Variants in AGTPBP1 observed in about 807,000 individuals in gnomAD.
AGTPBP1 encodes the protein ATP/GTP binding carboxypeptidase 1, also known as cytosolic carboxypeptidase 1.
AGTPBP1 carries 70 observed loss-of-function variants against 143.9 expected under a neutral mutation model. The ratio of observed to expected loss-of-function variants is 0.49; its 90% confidence interval spans 0.40 to 0.59. The LOEUF (loss-of-function observed/expected upper bound fraction) is 0.59, where lower values mean the gene tolerates loss of function less well. AGTPBP1 is among the 20% of genes least tolerant of loss of function. The pLI, the probability that AGTPBP1 is intolerant of heterozygous loss-of-function variation, is 0.00. For missense variants in AGTPBP1, 1,229 were observed against 1,464.5 expected (o/e 0.84, Z 2.62); for synonymous variants, 463 against 500.2 (o/e 0.93, Z 0.99).
At chr9:85,729,042 T>C (rs1024063512) in intron 1 of AGTPBP1, among the ~76,000 whole-genome samples, 2 of 152,186 alleles carry the variant, frequency 1.3e-5, no homozygotes, top group Non-Finnish European at 2.9e-5. Flanking sequence ...AATCAGCTAG[T>C]AGTAGCATAA....
At chr9:85,689,213 T>C (rs531286520) in intron 3 of AGTPBP1, among the ~76,000 whole-genome samples, 2 of 152,320 alleles carry the variant, frequency 1.3e-5, no homozygotes, top group South Asian at 2.1e-4. Context: ...GTATCATCTA[T>C]GGCTGTTCGT....
At chr9:85,586,206 G>GAAA (rs202123016) in intron 22 of AGTPBP1, among the ~76,000 whole-genome samples, 1 of 105,956 alleles carries the variant, frequency 9.4e-6, no homozygotes, top group Non-Finnish European at 2.0e-5. Flanking sequence ...ACTCCATCTC[G>GAAA]AAAAAAAAAA....
chr9:85,746,121 G>GC (rs755977385), upstream of AGTPBP1, among the ~76,000 whole-genome samples: 16 of 152,000 alleles, frequency 1.1e-4, no homozygotes, highest in Non-Finnish European at 2.1e-4. Context: ...TTTTCCCCCT[G>GC]CCCCCACACA....
rs771158224 is a variant in AGTPBP1 at position 85,588,376 on chromosome 9, G to A, written c.2825C>T (p.Pro942Leu). 3.1e-6 allele frequency: 5 copies of A among 1,613,162 alleles called. No homozygotes were observed. Among genetic ancestry groups the A allele is most frequent in the Non-Finnish European group, 4.2e-6 (5 of 1,179,506 alleles). ...GTLEYLMSNNPTAQSLRESYI... is the reference protein window; with the variant it reads ...GTLEYLMSNNLTAQSLRESYI... The stretch of plus-strand genomic sequence containing the variant: ...AGATTCTCGTAAGCTCTGAGCAGTG[G>A]GGTTATTGCTCATGAGATATTCCAA... Residue 942 changes from proline to leucine, a missense_variant, in exon 21 of 26, where the codon CCC (proline) becomes CTC (leucine). Transcript: ENST00000357081.
chr9:85,697,679 C>T (rs1444760307), intron 2 of AGTPBP1, among the ~76,000 whole-genome samples: 3 of 151,878 alleles, frequency 2.0e-5, no homozygotes, highest in African/African-American at 7.3e-5. Flanking sequence ...TTCTCGATCT[C>T]CTGACCTCGT....
intron 6 of AGTPBP1, among the ~76,000 whole-genome samples, chr9:85,674,417 A>G (rs549151968): frequency 6.6e-6 from 1 of 152,224 alleles, no homozygotes; most frequent in African/African-American, 2.4e-5. Context: ...TTTTAAAATC[A>G]ATATCTTAAT....
the AGTPBP1 span, among the ~76,000 whole-genome samples, chr9:85,777,787 C>A: frequency 5.3e-5 from 8 of 152,238 alleles, no homozygotes; most frequent in African/African-American, 2.4e-5. Flanking sequence ...CCACTGGCTA[C>A]AGCCCATGAA....
the AGTPBP1 span, chr9:85,756,242 T>C: frequency 1.9e-6 from 3 of 1,595,818 alleles, no homozygotes; most frequent in South Asian, 3.4e-5. Context: ...GAAATTGAGA[T>C]CTAGTCAGGT....
chr9:85,648,372 T>C (rs1265131569), intron 11 of AGTPBP1, among the ~76,000 whole-genome samples: 1 of 152,190 alleles, frequency 6.6e-6, no homozygotes. Flanking sequence ...CCTCAAATTC[T>C]TAGATAGCAA....
At chr9:85,757,522 A>G in the AGTPBP1 span, among the ~76,000 whole-genome samples, 5 of 152,262 alleles carry the variant, frequency 3.3e-5, 1 homozygote, top group Middle Eastern at 0.014. Context: ...AAGCAAATAG[A>G]TGAGAGCTTA....
the AGTPBP1 span, among the ~76,000 whole-genome samples, chr9:85,757,768 A>G: frequency 6.6e-6 from 1 of 152,142 alleles, no homozygotes; most frequent in East Asian, 1.9e-4. Flanking sequence ...AAATGAAGGG[A>G]CCAAGATTTT....
chr9:85,690,787 A>G (rs560457252), intron 3 of AGTPBP1, among the ~76,000 whole-genome samples: 120 of 110,362 alleles, frequency 1.1e-3, no homozygotes, highest in Middle Eastern at 7.7e-3. Flanking sequence ...TCTGATAGTG[A>G]TAGGGTCAGG....
the AGTPBP1 span, among the ~76,000 whole-genome samples, chr9:85,784,117 T>C: frequency 3.9e-5 from 6 of 152,264 alleles, no homozygotes; most frequent in African/African-American, 1.4e-4. Context: ...TGCATTCTAC[T>C]TGTATTTAAA....
intron 14 of AGTPBP1, among the ~76,000 whole-genome samples, chr9:85,624,414 T>C (rs1257308425): frequency 1.3e-5 from 2 of 152,216 alleles, no homozygotes; most frequent in Non-Finnish European, 2.9e-5. Flanking sequence ...ACCTTCCTCA[T>C]AGAGGTGCTA....
intron 23 of AGTPBP1, among the ~76,000 whole-genome samples, chr9:85,581,412 C>T (rs1828252024): frequency 6.6e-6 from 1 of 152,210 alleles, no homozygotes. Flanking sequence ...CATCACAGAG[C>T]TTTGTGAGGC....
At chr9:85,639,814 G>A (rs62566952) in intron 13 of AGTPBP1, among the ~76,000 whole-genome samples, 2,548 of 152,254 alleles carry the variant, frequency 0.017, 25 homozygotes, top group Middle Eastern at 0.054. Flanking sequence ...AAATAAAACT[G>A]TAATTGTCAC....
intron 1 of AGTPBP1, among the ~76,000 whole-genome samples, chr9:85,716,891 T>C (rs1420513343): frequency 6.6e-6 from 1 of 152,226 alleles, no homozygotes; most frequent in South Asian, 2.1e-4. Flanking sequence ...CTTCATATCC[T>C]ACCTACAACT....
At chr9:85,645,884 T>C (rs1587818251) in intron 12 of AGTPBP1, among the ~76,000 whole-genome samples, 1 of 152,296 alleles carries the variant, frequency 6.6e-6, no homozygotes, top group East Asian at 1.9e-4. Context: ...ACTTCCTTGT[T>C]CAATTAACTG....
chr9:85,566,291 G>A (rs1342495209), intron 25 of AGTPBP1, among the ~76,000 whole-genome samples: 2 of 151,974 alleles, frequency 1.3e-5, no homozygotes, highest in African/African-American at 4.8e-5. Context: ...AGGCCGAGAT[G>A]GGAAGACTGC....
Sources: gnomAD v4.1 joint callset for allele counts (sites outside exome capture counted in the v4.1 genomes callset) on GRCh38, gnomAD v4.1.1 for gene constraint, MANE v1.5 for transcripts, NCBI Gene and HGNC (gene_info 2026-07-23, HGNC 2026-07-21) for gene names.